Variants in FGD4 observed in about 807,000 individuals in gnomAD.
FGD4 encodes the protein FYVE, RhoGEF and PH domain containing 4.
FGD4 carries 42 observed loss-of-function variants against 102.0 expected under a neutral mutation model. The ratio of observed to expected loss-of-function variants is 0.41; its 90% CI spans 0.32 to 0.53. The LOEUF (loss-of-function observed/expected upper bound fraction) is 0.53, where lower values mean the gene tolerates loss of function less well. FGD4 is among the 20% of genes least tolerant of loss of function. FGD4 has a pLI of 0.21. For missense variants in FGD4, 902 were observed against 1,078.2 expected, an observed-to-expected ratio of 0.84 and a Z score of 2.29; for synonymous variants, 380 against 375.7, an observed-to-expected ratio of 1.01 and a Z score of -0.13.
intron 1 of FGD4, among the ~76,000 whole-genome samples, chr12:32,486,596 A>C (rs914204197): frequency 6.6e-6 from 1 of 152,146 alleles, no homozygotes; most frequent in East Asian, 1.9e-4. Context: ...TTGTGCACCT[A>C]ATATTTTCTT....
Position 32,399,808 on chromosome 12 carries a change from C to G in FGD4, c.15C>G (p.Gly5=). The change falls in exon 1 of 17, where the codon GGC becomes GGG. Residue 5 remains glycine, a synonymous_variant. Coordinates refer to ENST00000534526, the MANE Select transcript of FGD4 (RefSeq NM_001370298.3). MSDE[G]GSNFRRVAIR... is the part of the protein sequence containing the mutation. Reference sequence around the variant, plus strand: ...AGCCCGGCAGGATGAGCGACGAGGGCGGCTCCAACTTCAGGCGGGTGGCGA... The same window carrying G: ...AGCCCGGCAGGATGAGCGACGAGGGGGGCTCCAACTTCAGGCGGGTGGCGA... 1.3e-6 allele frequency: 2 copies of G among 1,530,894 alleles called. No individual in the cohort carries two copies. Among genetic ancestry groups the G allele is most frequent in the South Asian group, 2.4e-5 (2 of 83,902 alleles). The allele number at this position is 1,530,894 out of a possible 1,614,324, so 94.8% of individuals were successfully genotyped here.
chr12:32,569,305 A>G (rs77513753), intron 2 of FGD4, among the ~76,000 whole-genome samples: 4,849 of 152,228 alleles, frequency 0.032, 110 homozygotes, highest in East Asian at 0.13. Context: ...GTTAAGTTAT[A>G]TCATGTTACA....
intron 1 of FGD4, among the ~76,000 whole-genome samples, chr12:32,476,140 G>A (rs1943580288): frequency 6.6e-6 from 1 of 151,996 alleles, no homozygotes; most frequent in Admixed American, 6.6e-5. Flanking sequence ...CATTTCTTCA[G>A]CCACCAGTAA....
intron 1 of FGD4, among the ~76,000 whole-genome samples, chr12:32,451,362 A>G (rs1300107767): frequency 6.6e-6 from 1 of 152,200 alleles, no homozygotes; most frequent in African/African-American, 2.4e-5. Context: ...CTACAACAAC[A>G]TAAAATGCAA....
intron 16 of FGD4, among the ~76,000 whole-genome samples, chr12:32,640,055 A>G (rs1303909460): frequency 6.6e-6 from 1 of 152,080 alleles, no homozygotes; most frequent in Non-Finnish European, 1.5e-5. Flanking sequence ...TCTGAGTCCT[A>G]GCTGATTTGG....
intron 10 of FGD4, among the ~76,000 whole-genome samples, chr12:32,619,434 C>G (rs1433589754): frequency 6.6e-6 from 1 of 151,928 alleles, no homozygotes; most frequent in East Asian, 1.9e-4. Flanking sequence ...CGAGACCATC[C>G]TGGCTAACAC....
chr12:32,590,885 A>G (rs1947418741), intron 4 of FGD4, among the ~76,000 whole-genome samples: 2 of 152,208 alleles, frequency 1.3e-5, no homozygotes, highest in African/African-American at 4.8e-5. Flanking sequence ...TTGGAATATC[A>G]CAGAACAAAG....
intron 4 of FGD4, among the ~76,000 whole-genome samples, chr12:32,590,799 T>C (rs1381069213): frequency 6.6e-6 from 1 of 152,216 alleles, no homozygotes; most frequent in Non-Finnish European, 1.5e-5. Context: ...TAGTGGTGGT[T>C]GTCACCATCT....
At chr12:32,456,223 C>T (rs901318475) in intron 1 of FGD4, among the ~76,000 whole-genome samples, 2 of 152,052 alleles carry the variant, frequency 1.3e-5, no homozygotes. Context: ...TCAGGAGATA[C>T]CTTGTGCCCA....
chr12:32,491,128 C>T (rs1236569075), intron 1 of FGD4, among the ~76,000 whole-genome samples: 1 of 82,940 alleles, frequency 1.2e-5, no homozygotes, highest in African/African-American at 4.2e-5. Flanking sequence ...TACCTTCTGC[C>T]AGTTAAAAAA....
chr12:32,611,725 A>C (rs1949148174), intron 10 of FGD4, among the ~76,000 whole-genome samples: 1 of 152,138 alleles, frequency 6.6e-6, no homozygotes, highest in South Asian at 2.1e-4. Context: ...TTAGGGATTC[A>C]ATTTAGGGAA....
intron 1 of FGD4, among the ~76,000 whole-genome samples, chr12:32,525,630 C>G (rs533365337): frequency 6.6e-6 from 1 of 152,220 alleles, no homozygotes; most frequent in Non-Finnish European, 1.5e-5. Context: ...CTGGGCTGGC[C>G]AAGGCCGGAG....
At chr12:32,564,048 A>T (rs928968699) in intron 1 of FGD4, 89 bp from the exon 2 acceptor site, 3 of 1,197,026 alleles carry the variant, frequency 2.5e-6, no homozygotes, top group Non-Finnish European at 3.4e-6. Flanking sequence ...GGGGAGGGAG[A>T]GGGAGTGGGA....
intron 1 of FGD4, among the ~76,000 whole-genome samples, chr12:32,440,931 C>T (rs1472201982): frequency 6.6e-6 from 1 of 152,204 alleles, no homozygotes; most frequent in South Asian, 2.1e-4. Context: ...GCCACTGCCA[C>T]CCCTTGCCAC....
At chr12:32,494,722 A>C (rs937531242) in intron 1 of FGD4, among the ~76,000 whole-genome samples, 1 of 152,206 alleles carries the variant, frequency 6.6e-6, no homozygotes, top group South Asian at 2.1e-4. Context: ...AAGGTCAAGA[A>C]AGAGGGCATG....
intron 2 of FGD4, among the ~76,000 whole-genome samples, chr12:32,573,656 G>A (rs1945876816): frequency 6.6e-6 from 1 of 151,948 alleles, no homozygotes; most frequent in African/African-American, 2.4e-5. Flanking sequence ...TCATATCCAT[G>A]TATCATTTGT....
chr12:32,451,861 A>AAAAAAAC, intron 1 of FGD4, among the ~76,000 whole-genome samples: 1 of 150,780 alleles, frequency 6.6e-6, no homozygotes, highest in Non-Finnish European at 1.5e-5. Context: ...AAAAAAAAAA[A>AAAAAAAC]AAAGTAAGTT....
chr12:32,600,735 C>T (rs911998114), intron 5 of FGD4, among the ~76,000 whole-genome samples: 1 of 151,826 alleles, frequency 6.6e-6, no homozygotes, highest in African/African-American at 2.4e-5. Flanking sequence ...ATTCCTTTGT[C>T]CATTCATTGG....
intron 2 of FGD4, among the ~76,000 whole-genome samples, chr12:32,566,670 G>C (rs1294648385): frequency 7.0e-6 from 1 of 143,038 alleles, no homozygotes; most frequent in East Asian, 1.9e-4. Flanking sequence ...TCAATCAACA[G>C]TACCCAGTAA....
Sources: gnomAD v4.1 joint callset for allele counts (sites outside exome capture counted in the v4.1 genomes callset) on GRCh38, gnomAD v4.1.1 for gene constraint, MANE v1.5 for transcripts, NCBI Gene and HGNC (gene_info 2026-07-23, HGNC 2026-07-21) for gene names.